TANC1: variants seen among roughly 807,000 people sequenced by gnomAD.
TANC1 encodes the protein tetratricopeptide repeat, ankyrin repeat and coiled-coil containing 1, also known as protein TANC1.
A neutral mutation model predicts 149.7 loss-of-function variants in TANC1; 77 were observed. The observed-to-expected ratio is 0.51, with a 90% CI of 0.43 to 0.62. The LOEUF is 0.62. Ranked by LOEUF, TANC1 falls within the 20% of genes least tolerant of loss-of-function variation. The pLI is 0.00. For missense variants in TANC1, 1,985 were observed against 2,321.8 expected, an observed-to-expected ratio of 0.85 and a Z score of 2.98; for synonymous variants, 854 against 925.0, an observed-to-expected ratio of 0.92 and a Z score of 1.39.
intron 4 of TANC1, among the ~76,000 whole-genome samples, chr2:159,117,403 CT>C (rs1193588704): frequency 1.2e-4 from 17 of 146,916 alleles, no homozygotes; most frequent in Non-Finnish European, 1.2e-4. Context: ...TACTTTATTC[CT>C]TTTTTTTTTG....
At chr2:159,170,500 A>C in intron 9 of TANC1, 24 bp from the exon 10 acceptor site, 1 of 1,561,860 alleles carries the variant, frequency 6.4e-7, no homozygotes, top group Non-Finnish European at 8.6e-7. Context: ...CATTTTTCTA[A>C]AATTTTTTTT....
intron 2 of TANC1, among the ~76,000 whole-genome samples, chr2:159,064,565 C>T (rs192918319): frequency 6.6e-6 from 1 of 152,314 alleles, no homozygotes; most frequent in Admixed American, 6.5e-5. Context: ...GATTCTGGCC[C>T]TGCTGTTAAT....
intron 5 of TANC1, among the ~76,000 whole-genome samples, chr2:159,137,986 C>G (rs890655575): frequency 6.6e-6 from 1 of 152,152 alleles, no homozygotes; most frequent in African/African-American, 2.4e-5. Context: ...CTATTGTTAA[C>G]TTTTCTCCCT....
chr2:159,176,249 T>A, intron 12 of TANC1, 103 bp from the exon 13 acceptor site: 1 of 608,266 alleles, frequency 1.6e-6, no homozygotes, highest in Non-Finnish European at 2.7e-6. Flanking sequence ...TATGTAAACC[T>A]TTTTAGTTTC....
chr2:158,983,468 CAAAAA>C (rs35472970), intron 1 of TANC1, among the ~76,000 whole-genome samples: 14 of 88,800 alleles, frequency 1.6e-4, no homozygotes, highest in Non-Finnish European at 2.0e-4. Flanking sequence ...CTCCGTCTCC[CAAAAA>C]AAAAAAAAAA....
At position 158,971,526 on chromosome 2, in the gene TANC1, A is replaced by G. The variant is rs183290398; in HGVS notation, c.-126+2744A>G. 5.3e-5 allele frequency among the ~76,000 whole-genome samples: 8 copies of G among 152,334 alleles called. No individual in the cohort carries two copies. In the East Asian group the frequency reaches 1.2e-3, roughly 22 times the overall value. ...AGTGTTTAAAATAGTTTGGTTTTCAACTGTCTCTTAAATGCATATTTCAGT... is the reference window on the plus strand; with the variant it reads ...AGTGTTTAAAATAGTTTGGTTTTCAGCTGTCTCTTAAATGCATATTTCAGT... On this transcript the variant is annotated intron_variant, in intron 1 of 26. Transcript: ENST00000263635.
intron 4 of TANC1, among the ~76,000 whole-genome samples, chr2:159,118,961 T>TA (rs775806432): frequency 6.6e-6 from 1 of 152,226 alleles, no homozygotes. Context: ...CATCTTAAAG[T>TA]AAAAAATCTC....
In TANC1 at chr2:159,093,381, C is replaced by A. The variant is rs547014357; in HGVS notation, c.62-4256C>A. Among the ~76,000 whole-genome samples, 4 of 152,356 alleles carry A rather than the reference C, an allele frequency of 2.6e-5. No homozygotes were observed. In the East Asian group the frequency reaches 7.7e-4, roughly 29 times the overall value. On this transcript the variant is annotated intron_variant, in intron 3 of 26. Transcript: ENST00000263635. Reference sequence around the variant, plus strand: ...TTTAAGCTTCTGCTGAGGAATGTTACATCTACTGGAGAATCTCTGGTGTCT... The same window carrying A: ...TTTAAGCTTCTGCTGAGGAATGTTAAATCTACTGGAGAATCTCTGGTGTCT...
intron 4 of TANC1, among the ~76,000 whole-genome samples, chr2:159,118,146 C>T (rs2048481384): frequency 6.6e-6 from 1 of 152,164 alleles, no homozygotes; most frequent in South Asian, 2.1e-4. Context: ...GTCTTGACTT[C>T]GATCACCTGG....
chr2:159,083,398 C>T (rs1399494189), intron 3 of TANC1, among the ~76,000 whole-genome samples: 1 of 152,022 alleles, frequency 6.6e-6, no homozygotes, highest in Non-Finnish European at 1.5e-5. Flanking sequence ...GAAGATCCCT[C>T]ATTATCTAGT....
At chr2:159,150,985 G>A (rs1449666131) in intron 7 of TANC1, among the ~76,000 whole-genome samples, 2 of 151,966 alleles carry the variant, frequency 1.3e-5, no homozygotes, top group Non-Finnish European at 2.9e-5. Flanking sequence ...TGTTTTCTAG[G>A]GTTTCTTATC....
chr2:159,121,051 T>C (rs2048799513), intron 4 of TANC1, among the ~76,000 whole-genome samples: 2 of 152,192 alleles, frequency 1.3e-5, no homozygotes, highest in African/African-American at 2.4e-5. Flanking sequence ...TGGGAACCAT[T>C]ATCAGTTTAC....
chr2:159,109,794 C>T (rs1471069599), intron 4 of TANC1, among the ~76,000 whole-genome samples: 36 of 152,152 alleles, frequency 2.4e-4, no homozygotes, highest in Admixed American at 2.4e-3. Flanking sequence ...CAGTATCACA[C>T]CACATGTATT....
At chr2:158,980,092 A>G (rs1168535632) in intron 1 of TANC1, among the ~76,000 whole-genome samples, 2 of 152,250 alleles carry the variant, frequency 1.3e-5, no homozygotes, top group African/African-American at 4.8e-5. Context: ...TTAGGAAGTT[A>G]ACAGGTGTTA....
At chr2:159,028,103 A>C (rs1424617048) in intron 2 of TANC1, among the ~76,000 whole-genome samples, 1 of 152,130 alleles carries the variant, frequency 6.6e-6, no homozygotes, top group Non-Finnish European at 1.5e-5. Context: ...GGACACATTC[A>C]AACCATAGTA....
chr2:159,002,494 T>C (rs1254736648), intron 2 of TANC1, among the ~76,000 whole-genome samples: 3 of 152,158 alleles, frequency 2.0e-5, no homozygotes, highest in Non-Finnish European at 4.4e-5. Flanking sequence ...TCTTTGTTTT[T>C]AGCAGAATGG....
chr2:159,163,051 C>T (rs1048161185), intron 7 of TANC1, among the ~76,000 whole-genome samples: 4 of 152,206 alleles, frequency 2.6e-5, no homozygotes, highest in Non-Finnish European at 5.9e-5. Context: ...ATCTTCCTAT[C>T]AGAGTTTCTC....
intron 1 of TANC1, among the ~76,000 whole-genome samples, chr2:158,974,833 T>C (rs2033424087): frequency 6.6e-6 from 1 of 151,900 alleles, no homozygotes; most frequent in South Asian, 2.1e-4. Context: ...CCTGGACTCA[T>C]GCAATCCTTC....
At chr2:159,202,862 G>A (rs2058335978) in intron 19 of TANC1, among the ~76,000 whole-genome samples, 2 of 152,086 alleles carry the variant, frequency 1.3e-5, no homozygotes, top group South Asian at 4.1e-4. Context: ...AGAAAGTTCT[G>A]GCTACACTGA....
Sources: allele counts gnomAD v4.1 joint callset (sites outside exome capture counted in the v4.1 genomes callset), GRCh38; gene constraint gnomAD v4.1.1; transcripts MANE v1.5; gene names NCBI Gene and HGNC (gene_info 2026-07-23, HGNC 2026-07-21).